Variants in CPT1B observed in about 807,000 individuals in gnomAD.
The protein encoded by CPT1B is carnitine palmitoyltransferase 1B.
A neutral mutation model predicts 92.7 loss-of-function variants in CPT1B; 57 were observed. The ratio of observed to expected loss-of-function variants is 0.62; its 90% confidence interval spans 0.50 to 0.77. CPT1B has a LOEUF of 0.77. Among genes scored for constraint, CPT1B ranks in the 30% least tolerant of loss-of-function variants. The probability of loss-of-function intolerance (pLI) is 0.00; values close to 1 mark genes in which losing one functional copy is unlikely to be tolerated. For missense variants in CPT1B, 983 were observed against 1,017.4 expected (o/e 0.97, Z 0.46); for synonymous variants, 398 against 383.5 (o/e 1.04, Z -0.44).
At position 50,576,983 on chromosome 22, in the gene CPT1B, G is replaced by A. The variant is rs780960452; in HGVS notation, c.333C>T (p.Ile111=). ...PQTRALLSMA[I]FSTGVWVTGI... ...CCGTCACCCAGACGCCCGTGGAGAA[G>A]ATGGCCATGCTGAGAAGTGCCCGGG... Residue 111 remains isoleucine, a synonymous_variant, in exon 4 of 20, where the codon ATC becomes ATT. Coordinates refer to ENST00000312108, the MANE Select transcript of CPT1B (RefSeq NM_152246.3). 5 of 1,614,134 alleles carry A rather than the reference G, an allele frequency of 3.1e-6. No homozygotes were observed. The South Asian group carries it at 5.5e-5, about 18-fold the overall frequency.
chr22:50,576,593 G>C lies in CPT1B; in HGVS notation c.504C>G (p.Ser168Arg). 6.2e-7 allele frequency: 1 copy of C among 1,609,748 alleles called. No individual in the cohort carries two copies. The highest frequency in any genetic ancestry group is 8.5e-7 in the Non-Finnish European group (1 of 1,178,188). ...GAAGCTTGGGCAGAGATGTCTGGAA[G>C]CTGTAGAGCATAGGGTGCCGGCTGG... ...LLSSRHPMLY[S>R]FQTSLPKLPV... Residue 168 changes from serine (S) to arginine (R), a missense_variant, in exon 5 of 20, where the codon AGC becomes AGG. Ser to Arg is a moderately radical substitution (Grantham distance 110). Coordinates refer to ENST00000312108, the MANE Select transcript of CPT1B (RefSeq NM_152246.3).
At position 50,576,179 on chromosome 22, in the gene CPT1B, C is replaced by T. The variant is rs750407190; in HGVS notation, c.699+19G>A. 5 of 1,614,056 alleles carry T rather than the reference C, an allele frequency of 3.1e-6. No homozygotes were observed. The Admixed American group carries it at 8.3e-5, about 27-fold the overall frequency. ...AGGACACATGGCAGGTGACAGTGAG[C>T]CCAGGGGCAGGAACTTACATAGTTA... On this transcript the variant is annotated intron_variant, in intron 6 of 19. Coordinates refer to ENST00000312108, the MANE Select transcript of CPT1B (RefSeq NM_152246.3).
chr22:50,573,677 C>G lies in CPT1B; in HGVS notation c.1009G>C (p.Val337Leu). The G allele has an allele frequency of 6.2e-7, 1 of 1,613,154 alleles. No homozygotes were observed. The highest frequency in any genetic ancestry group is 8.5e-7 in the Non-Finnish European group (1 of 1,179,966). The change falls in exon 10 of 20, where the codon GTC becomes CTC. Residue 337 changes from valine to leucine, a missense_variant. By Grantham distance (32) the Val-to-Leu change is conservative. Coordinates refer to ENST00000312108, the MANE Select transcript of CPT1B (RefSeq NM_152246.3). The surrounding 1 kb of genome is among the most constrained non-coding windows in gnomAD (Gnocchi z 5.0). ...TTGAAGAAGCGTCCCTTGTGGTAGA[C>G]AGCCACGTGCCGGCTGTCTGAGAGG... The part of the protein sequence containing the change: ...QHLSDSRHVA[V>L]YHKGRFFKLW...
chr22:50,577,984 G>A, intron 1 of CPT1B, 50 bp from the exon 2 acceptor site: 23 of 1,395,000 alleles, frequency 1.6e-5, no homozygotes, highest in Non-Finnish European at 2.2e-5. Context: ...CGGCCCCGCC[G>A]CCAGCCGCGC....
Position 50,571,169 on chromosome 22 carries a change from C to T in CPT1B, c.1864G>A (p.Gly622Arg). The T allele has an allele frequency of 3.1e-6, 5 of 1,614,140 alleles. No individual in the cohort carries two copies. Among genetic ancestry groups the T allele is most frequent in the Non-Finnish European group, 4.2e-6 (5 of 1,180,010 alleles). Residue 622 changes from glycine (G) to arginine (R), a missense_variant, in exon 15 of 20, where the codon GGG (glycine) becomes AGG (arginine). Physicochemically the swap from Gly to Arg is moderately radical, Grantham distance 125 (BLOSUM62 -2). Coordinates refer to ENST00000312108, the MANE Select transcript of CPT1B (RefSeq NM_152246.3). Reference sequence around the variant, plus strand: ...CAGAGGACACTTACTGTGTGGGACCCCTCCATCATGGCCTGCACAAAGGCT... The same window carrying T: ...CAGAGGACACTTACTGTGTGGGACCTCTCCATCATGGCCTGCACAAAGGCT... ...STAFVQAMMEGSHTKADLRDL... is the reference protein window; with the variant it reads ...STAFVQAMMERSHTKADLRDL...
rs747695101 is a variant in CPT1B, at chr22:50,577,327, TGAGG to T, written c.274_277del (p.Pro92ArgfsTer26). On this transcript the variant is annotated frameshift_variant, in exon 3 of 20. Transcript: ENST00000312108. LOFTEE classifies it high-confidence loss of function. The stretch of plus-strand genomic sequence containing the variant: ...CCCTTCCAGTTTCACTCCTTACCCC[TGAGG>T]GAGGCATCTCTGGATGCAACTGACC... 1 of 1,613,674 alleles carries T rather than the reference TGAGG, an allele frequency of 6.2e-7. No homozygotes were observed. Among genetic ancestry groups the T allele is most frequent in the Non-Finnish European group, 8.5e-7 (1 of 1,179,948 alleles).
At chr22:50,578,045 T>A in intron 1 of CPT1B, 111 bp from the exon 2 acceptor site, 2 of 651,566 alleles carry the variant, frequency 3.1e-6, no homozygotes, top group Non-Finnish European at 4.0e-6. Flanking sequence ...ACCCCGCGAC[T>A]AGCGGCTGCC....
intron 4 of CPT1B, 58 bp downstream of exon 4, chr22:50,576,799 A>G: frequency 6.2e-7 from 1 of 1,603,732 alleles, no homozygotes; most frequent in Non-Finnish European, 8.5e-7. Context: ...CAGAACCCCA[A>G]AGGAGTCCAA....
Position 50,574,329 on chromosome 22 carries a change from A to G in CPT1B, c.970+6T>C. 1.2e-6 allele frequency: 2 copies of G among 1,609,518 alleles called. No homozygotes were observed. The highest frequency in any genetic ancestry group is 2.2e-5 in the South Asian group (2 of 90,424). ...CCCACAGGTAGCAGCGAGGGGGCTC[A>G]GTTACCTGTGTCCTTGCCCGGGATC... On this transcript the variant is annotated splice_donor_region_variant and intron_variant, in intron 9 of 19. Coordinates refer to ENST00000312108, the MANE Select transcript of CPT1B (RefSeq NM_152246.3).
At chr22:50,575,035 T>C (rs5770912) in intron 7 of CPT1B, 49,257 of 152,074 alleles carry the variant, frequency 0.32, 10,775 homozygotes, top group African/African-American at 0.6. Context: ...TTTTCTGAGA[T>C]AGAGTCTCGC....
Position 50,571,288 on chromosome 22 carries a change from C to T in CPT1B, c.1745G>A (p.Arg582Lys), listed in dbSNP as rs764845864. The change falls in exon 15 of 20, where the codon AGG (arginine) becomes AAG (lysine). Residue 582 changes from arginine (R) to lysine (K), a missense_variant. Coordinates refer to ENST00000312108, the MANE Select transcript of CPT1B (RefSeq NM_152246.3). ...IALQLAHFRD[R>K]GKFCLTYEAS... is the part of the protein sequence containing the mutation. ...CTCATAGGTCAGGCAGAACTTACCC[C>T]TGTCCTGGGATATACAGAGGGGTGA... 12 of 1,613,846 alleles carry T rather than the reference C, an allele frequency of 7.4e-6. No individual in the cohort carries two copies. The South Asian group carries it at 1.3e-4, about 18-fold the overall frequency.
At chr22:50,569,886 G>T (rs527972967) in intron 17 of CPT1B, among the ~76,000 whole-genome samples, 1 of 152,136 alleles carries the variant, frequency 6.6e-6, no homozygotes, top group Non-Finnish European at 1.5e-5. Context: ...TTTCCCTCAG[G>T]GGGCTTATTC....
intron 17 of CPT1B, among the ~76,000 whole-genome samples, chr22:50,569,942 C>G (rs1222512675): frequency 6.6e-6 from 1 of 152,194 alleles, no homozygotes; most frequent in African/African-American, 2.4e-5. Context: ...AGCCTTCTGA[C>G]AAGCTAGCCC....
At chr22:50,574,797 A>G (rs1603443410) in intron 7 of CPT1B, 197 bp from the exon 8 acceptor site, 1 of 576,696 alleles carries the variant, frequency 1.7e-6, no homozygotes, top group East Asian at 2.9e-5. Context: ...CTTCAGCCTG[A>G]GCTGCTTTAT....
At position 50,573,077 on chromosome 22, in the gene CPT1B, G is replaced by T; in HGVS notation, c.1167-17C>A. On this transcript the variant is annotated splice_polypyrimidine_tract_variant and intron_variant, in intron 10 of 19. Coordinates refer to ENST00000312108, the MANE Select transcript of CPT1B (RefSeq NM_152246.3). The surrounding 1 kb of genome is among the most constrained non-coding windows in gnomAD (Gnocchi z 5.0). ...CACTCCACCCTGAAGCATGGGGCAG[G>T]GTAAGCAGTGGGCACGTGGACTTGG... The T allele has an allele frequency of 2.5e-6, 4 of 1,583,946 alleles. No homozygotes were observed. The highest frequency in any genetic ancestry group is 1.1e-5 in the South Asian group (1 of 90,004).
rs766199751 is a variant in CPT1B, at chr22:50,577,768, T to G, written c.141+7A>C. 1.2e-6 allele frequency: 2 copies of G among 1,612,818 alleles called. No individual in the cohort carries two copies. The highest frequency in any genetic ancestry group is 1.7e-5 in the Admixed American group (1 of 60,012). On this transcript the variant is annotated splice_region_variant and intron_variant, in intron 2 of 19. Coordinates refer to ENST00000312108, the MANE Select transcript of CPT1B (RefSeq NM_152246.3). ...GCCTACGCTCTGGGAGAAGCACCTG[T>G]GCGCACCTTGATGCGGATCAGGCGT...
Position 50,573,237 on chromosome 22 carries a change from C to A in CPT1B, c.1167-177G>T. 2.1e-6 allele frequency: 1 copy of A among 477,670 alleles called. No homozygotes were observed. Among genetic ancestry groups the A allele is most frequent in the Non-Finnish European group, 3.4e-6 (1 of 290,178 alleles). The allele number at this position is 477,670 out of a possible 1,614,324, so 29.6% of individuals were successfully genotyped here. A position where few individuals can be genotyped will look rare whatever the true frequency, so the allele number is the denominator to read the frequency against. Reference sequence around the variant, plus strand: ...GGCTGGGCCTGGAGGTGTTGGGGTGCGTGCCAGGCTGCGCCTGGAGGTGGG... The same window carrying A: ...GGCTGGGCCTGGAGGTGTTGGGGTGAGTGCCAGGCTGCGCCTGGAGGTGGG... On this transcript the variant is annotated intron_variant, in intron 10 of 19. Coordinates refer to ENST00000312108, the MANE Select transcript of CPT1B (RefSeq NM_152246.3). This position sits in a 1 kb window ranked among gnomAD's most constrained non-coding sequence, Gnocchi z 5.0.
At chr22:50,570,643 C>T (rs937077685) in intron 16 of CPT1B, among the ~76,000 whole-genome samples, 2 of 152,354 alleles carry the variant, frequency 1.3e-5, no homozygotes, top group Non-Finnish European at 2.9e-5. Flanking sequence ...GTGCTGTCAC[C>T]ACCTGACAGA....
At chr22:50,572,360 G>A in intron 11 of CPT1B, 52 bp from the exon 12 acceptor site, 2 of 1,152,730 alleles carry the variant, frequency 1.7e-6, no homozygotes, top group Non-Finnish European at 2.6e-6. Flanking sequence ...GTCCAGAGGT[G>A]CCTGACCTGC....
Sources: allele counts gnomAD v4.1 joint callset (sites outside exome capture counted in the v4.1 genomes callset), GRCh38; gene constraint gnomAD v4.1.1; non-coding constraint Gnocchi (gnomAD v3.1); transcripts MANE v1.5; gene names NCBI Gene and HGNC (gene_info 2026-07-23, HGNC 2026-07-21).